The following SLCO3A1 variants were observed in gnomAD, a reference collection of about 807,000 sequenced individuals.
SLCO3A1 encodes the protein PGE1 transporter.
Under a neutral mutation model 63.1 loss-of-function variants are expected in SLCO3A1, and 27 were observed. That is an observed-to-expected ratio of 0.43 (90% CI 0.32 to 0.59). The LOEUF is 0.59. Among genes scored for constraint, SLCO3A1 ranks in the 20% least tolerant of loss-of-function variants. The probability of loss-of-function intolerance (pLI) is 0.09; values close to 1 mark genes in which losing one functional copy is unlikely to be tolerated. For missense variants in SLCO3A1, 773 were observed against 945.8 expected (o/e 0.82, Z 2.40); for synonymous variants, 473 against 409.9 (o/e 1.15, Z -1.86).
At chr15:91,971,098 C>T (rs993421667) in intron 2 of SLCO3A1, among the ~76,000 whole-genome samples, 2 of 152,010 alleles carry the variant, frequency 1.3e-5, no homozygotes, top group African/African-American at 4.8e-5. Flanking sequence ...CAGCTGAGGT[C>T]AAACAAGGTG....
intron 2 of SLCO3A1, among the ~76,000 whole-genome samples, chr15:92,060,453 G>T (rs11634365): frequency 1.3e-5 from 2 of 151,422 alleles, no homozygotes; most frequent in Non-Finnish European, 2.9e-5. Flanking sequence ...CCAGCTACTC[G>T]GGAGGCTGAG....
At chr15:92,088,555 C>A (rs943245074) in intron 2 of SLCO3A1, among the ~76,000 whole-genome samples, 12 of 152,208 alleles carry the variant, frequency 7.9e-5, no homozygotes, top group Non-Finnish European at 1.3e-4. Flanking sequence ...TCTTACGCTT[C>A]TGGAGGTCAG....
At chr15:92,162,568 G>C (rs2048452708) in intron 9 of SLCO3A1, 188 bp from the exon 10 acceptor site, 1 of 929,366 alleles carries the variant, frequency 1.1e-6, no homozygotes, top group African/African-American at 1.7e-5. Flanking sequence ...AACTTGCTCA[G>C]ATTTGTACCA....
chr15:92,045,622 G>A (rs1284199614), intron 2 of SLCO3A1, among the ~76,000 whole-genome samples: 1 of 152,048 alleles, frequency 6.6e-6, no homozygotes, highest in Admixed American at 6.6e-5. Flanking sequence ...TCTACTCTAG[G>A]TCATTTTGTG....
intron 2 of SLCO3A1, among the ~76,000 whole-genome samples, chr15:91,917,745 A>G (rs544370409): frequency 5.9e-5 from 9 of 152,248 alleles, no homozygotes; most frequent in African/African-American, 2.2e-4. Context: ...AACTAAGGTA[A>G]TCATTTTTCT....
chr15:91,882,218 C>A lies in SLCO3A1; in HGVS notation c.180+28130C>A, dbSNP rs1169555800. Among the ~76,000 whole-genome samples the A allele has an allele frequency of 6.6e-6, 1 of 152,180 alleles. No individual in the cohort carries two copies. Among genetic ancestry groups the A allele is most frequent in the Non-Finnish European group, 1.5e-5 (1 of 68,028 alleles). ...ATGCACAGGAGGGGGCATGTGAGGACTGAAACTCAGTGTGAGGATGGGAAG... is the reference window on the plus strand; with the variant it reads ...ATGCACAGGAGGGGGCATGTGAGGAATGAAACTCAGTGTGAGGATGGGAAG... On this transcript the variant is annotated intron_variant, in intron 1 of 9. Coordinates refer to ENST00000318445, the MANE Select transcript of SLCO3A1 (RefSeq NM_013272.4). The surrounding 1 kb of genome is among the most constrained non-coding windows in gnomAD (Gnocchi z 4.4).
chr15:92,017,853 C>T (rs1163504456), intron 2 of SLCO3A1, among the ~76,000 whole-genome samples: 5 of 152,076 alleles, frequency 3.3e-5, no homozygotes, highest in African/African-American at 1.2e-4. Flanking sequence ...GGCTTGGAGA[C>T]ATAGGCAGAG....
Position 92,080,422 on chromosome 15 carries a change from A to T in SLCO3A1, c.647-14459A>T, listed in dbSNP as rs2151522854. Among the ~76,000 whole-genome samples, 2 of 151,636 alleles carry T rather than the reference A, an allele frequency of 1.3e-5. 1 individual carries two copies. The highest frequency in any genetic ancestry group is 3.9e-4 in the East Asian group (2 of 5,158). The stretch of plus-strand genomic sequence containing the variant: ...TTTTTTTTTCCTCCAGTCCAACTAG[A>T]AGCAGAACTATAGAAAAAGTCTCAG... On this transcript the variant is annotated intron_variant, in intron 2 of 9. Coordinates refer to ENST00000318445, the MANE Select transcript of SLCO3A1 (RefSeq NM_013272.4).
chr15:92,088,320 G>A (rs2047430936), intron 2 of SLCO3A1, among the ~76,000 whole-genome samples: 1 of 152,220 alleles, frequency 6.6e-6, no homozygotes, highest in Admixed American at 6.5e-5. Context: ...CTCTTGGACT[G>A]TGCTGCAGTC....
At chr15:91,973,253 G>A (rs1296478365) in intron 2 of SLCO3A1, among the ~76,000 whole-genome samples, 1 of 152,204 alleles carries the variant, frequency 6.6e-6, no homozygotes, top group Non-Finnish European at 1.5e-5. Context: ...TGAATTCTCA[G>A]GTGCCTGCTC....
rs1434541071 is a variant in SLCO3A1, at chr15:91,883,656, T to C, written c.180+29568T>C. 2.0e-5 allele frequency among the ~76,000 whole-genome samples: 3 copies of C among 152,244 alleles called. No individual in the cohort carries two copies. Among genetic ancestry groups the C allele is most frequent in the South Asian group, 2.1e-4 (1 of 4,836 alleles). ...CCTTAATAGTTACTAAGGCAATGCA[T>C]TGATACATTGTTCATACGCTCATAA... On this transcript the variant is annotated intron_variant, in intron 1 of 9. Coordinates refer to ENST00000318445, the MANE Select transcript of SLCO3A1 (RefSeq NM_013272.4). This position sits in a 1 kb window ranked among gnomAD's most constrained non-coding sequence, Gnocchi z 4.8.
Position 92,126,270 on chromosome 15 carries a change from G to A in SLCO3A1, c.1373+11G>A, listed in dbSNP as rs111232668. 6.2e-7 allele frequency: 1 copy of A among 1,611,628 alleles called. No individual in the cohort carries two copies. The highest frequency in any genetic ancestry group is 1.3e-5 in the African/African-American group (1 of 74,950). On this transcript the variant is annotated intron_variant, in intron 6 of 9. Coordinates refer to ENST00000318445, the MANE Select transcript of SLCO3A1 (RefSeq NM_013272.4). ...TCCCTATGGAAACAGGTGAGTACTG[G>A]CAGTGTCTGCCGCCTTCCTGCCTGT...
chr15:91,965,539 T>A (rs549223318), intron 2 of SLCO3A1, among the ~76,000 whole-genome samples: 1 of 152,238 alleles, frequency 6.6e-6, no homozygotes, highest in South Asian at 2.1e-4. Context: ...CCCCACCCCC[T>A]AACTTCCCTT....
chr15:92,125,049 A>C (rs2047904797), intron 5 of SLCO3A1, among the ~76,000 whole-genome samples: 1 of 152,200 alleles, frequency 6.6e-6, no homozygotes, highest in Non-Finnish European at 1.5e-5. Flanking sequence ...AAGAGATATT[A>C]TATGTCATTT....
Position 92,108,846 on chromosome 15 carries a change from C to T in SLCO3A1, c.1009+4304C>T, listed in dbSNP as rs1160660167. Among the ~76,000 whole-genome samples, 3 of 152,198 alleles carry T rather than the reference C, an allele frequency of 2.0e-5. No homozygotes were observed. In the East Asian group the frequency reaches 5.8e-4, roughly 30 times the overall value. ...AAGCCCCCCAAAGCCCCTCTGTGTA[C>T]CTGCCCCTGTGTACCCGGTGCTAGG... On this transcript the variant is annotated intron_variant, in intron 4 of 9. Transcript: ENST00000318445.
rs2048522050 is a variant in SLCO3A1 at position 92,171,655 on chromosome 15, C to A, written c.1997-125C>A. 4.4e-6 allele frequency: 3 copies of A among 687,988 alleles called. No individual in the cohort carries two copies. The South Asian group carries it at 5.3e-5, about 12-fold the overall frequency. The allele number at this position is 687,988 out of a possible 1,614,324, so 42.6% of individuals were successfully genotyped here. On this transcript the variant is annotated intron_variant, in intron 10 of 10. Transcript: ENST00000424469. Reference sequence around the variant, plus strand: ...GAAACCCAGCACTTTATTGCTTTGACTGCCTACTCTTGTCCCTTCACTGCA... The same window carrying A: ...GAAACCCAGCACTTTATTGCTTTGAATGCCTACTCTTGTCCCTTCACTGCA...
chr15:92,124,972 T>A (rs1161251598), intron 5 of SLCO3A1, among the ~76,000 whole-genome samples: 1 of 152,154 alleles, frequency 6.6e-6, no homozygotes, highest in East Asian at 1.9e-4. Context: ...AGGAGCTGGC[T>A]CATGACATCA....
At chr15:91,874,220 A>G (rs1450208693) in intron 1 of SLCO3A1, among the ~76,000 whole-genome samples, 2 of 152,204 alleles carry the variant, frequency 1.3e-5, no homozygotes, top group Admixed American at 6.5e-5. Context: ...GTCTCTCTCA[A>G]TACATCTTAC....
chr15:91,880,057 C>T (rs1897514917), intron 1 of SLCO3A1, among the ~76,000 whole-genome samples: 2 of 151,780 alleles, frequency 1.3e-5, no homozygotes, highest in Non-Finnish European at 2.9e-5. Flanking sequence ...AGAAAAAGTG[C>T]TCCAGATAGA....
Sources: allele counts gnomAD v4.1 joint callset (sites outside exome capture counted in the v4.1 genomes callset), GRCh38; gene constraint gnomAD v4.1.1; non-coding constraint Gnocchi (gnomAD v3.1); transcripts MANE v1.5; gene names NCBI Gene and HGNC (gene_info 2026-07-23, HGNC 2026-07-21).